SLC16A12: variants seen among roughly 807,000 people sequenced by gnomAD.
SLC16A12 encodes the protein solute carrier family 16 member 12, also known as monocarboxylate transporter 12.
Under a neutral mutation model 42.4 loss-of-function variants are expected in SLC16A12, and 17 were observed. The ratio of observed to expected loss-of-function variants is 0.40; its 90% CI spans 0.27 to 0.60. SLC16A12 has a LOEUF of 0.60. Ranked by LOEUF, SLC16A12 falls within the 20% of genes least tolerant of loss-of-function variation. The pLI is 0.42. For missense variants in SLC16A12, 544 were observed against 623.0 expected, an observed-to-expected ratio of 0.87 and a Z score of 1.35; for synonymous variants, 224 against 229.4, an observed-to-expected ratio of 0.98 and a Z score of 0.21.
intron 5 of SLC16A12, among the ~76,000 whole-genome samples, chr10:89,440,759 T>C (rs970709936): frequency 1.3e-5 from 2 of 152,226 alleles, no homozygotes; most frequent in Non-Finnish European, 2.9e-5. Context: ...CCGTCAATAG[T>C]ATTTTAATGT....
In SLC16A12 at chr10:89,436,868, A is replaced by AAAGAAAG. The variant is rs1841799972; in HGVS notation, c.1029-550_1029-549insCTTTCTT. Among the ~76,000 whole-genome samples the AAAGAAAG allele has an allele frequency of 3.3e-5, 4 of 120,428 alleles. 1 individual carries two copies. In the South Asian group the frequency reaches 1.2e-3, roughly 36 times the overall value. 79.0% of individuals were successfully genotyped at this position (120,428 alleles called of 152,430 possible). ...AAGAAAGAAAAGAAAGAAATAAAGA[A>AAAGAAAG]AAAGAAAGAAAGAAAGAAAGAAAGA... is the stretch of plus-strand genomic sequence containing the variant. On this transcript the variant is annotated intron_variant, in intron 6 of 7. Transcript: ENST00000371790.
At chr10:89,467,706 A>G (rs574860647) in intron 2 of SLC16A12, among the ~76,000 whole-genome samples, 191 of 152,310 alleles carry the variant, frequency 1.3e-3, no homozygotes, top group African/African-American at 4.4e-3. Context: ...AATATAATTG[A>G]GCTGGTATGA....
chr10:89,498,328 T>A (rs983182065), intron 2 of SLC16A12, among the ~76,000 whole-genome samples: 1 of 151,966 alleles, frequency 6.6e-6, no homozygotes, highest in African/African-American at 2.4e-5. Flanking sequence ...AGAGACTGTG[T>A]TGAAAGAGAA....
At chr10:89,507,789 G>A (rs1347245947) in intron 2 of SLC16A12, among the ~76,000 whole-genome samples, 1 of 152,138 alleles carries the variant, frequency 6.6e-6, no homozygotes, top group African/African-American at 2.4e-5. Flanking sequence ...ACTGGCAATT[G>A]GATAAAGAGT....
At chr10:89,550,125 T>G (rs1843761999) in intron 2 of SLC16A12, among the ~76,000 whole-genome samples, 1 of 152,142 alleles carries the variant, frequency 6.6e-6, no homozygotes, top group Admixed American at 6.6e-5. Flanking sequence ...TGATCCATCT[T>G]GCCATCTCCT....
intron 2 of SLC16A12, among the ~76,000 whole-genome samples, chr10:89,508,841 TAAAGAA>T (rs1843114490): frequency 6.6e-6 from 1 of 151,946 alleles, no homozygotes; most frequent in South Asian, 2.1e-4. Flanking sequence ...GCCAGACTAA[TAAAGAA>T]GAAAAGAGAC....
At chr10:89,467,540 A>C (rs1327731396) in intron 2 of SLC16A12, among the ~76,000 whole-genome samples, 1 of 152,238 alleles carries the variant, frequency 6.6e-6, no homozygotes, top group Non-Finnish European at 1.5e-5. Flanking sequence ...ACAATTATAA[A>C]CAGGAAGCTA....
intron 2 of SLC16A12, among the ~76,000 whole-genome samples, chr10:89,544,406 C>T (rs538373606): frequency 2.0e-5 from 3 of 152,236 alleles, no homozygotes; most frequent in Admixed American, 1.3e-4. Context: ...ATGACCTACC[C>T]TTTTTGGATC....
At chr10:89,530,233 A>T (rs1183579986) in intron 2 of SLC16A12, among the ~76,000 whole-genome samples, 1 of 152,070 alleles carries the variant, frequency 6.6e-6, no homozygotes, top group African/African-American at 2.4e-5. Context: ...CATTCTAGAA[A>T]TTTTTACTGT....
chr10:89,539,452 A>G (rs993330250), upstream of SLC16A12, among the ~76,000 whole-genome samples: 14 of 152,126 alleles, frequency 9.2e-5, no homozygotes, highest in Admixed American at 4.6e-4. Context: ...CTAAAATCCT[A>G]TTGCACCATG....
chr10:89,503,097 G>A (rs976399944), intron 2 of SLC16A12, among the ~76,000 whole-genome samples: 1 of 152,174 alleles, frequency 6.6e-6, no homozygotes, highest in Non-Finnish European at 1.5e-5. Flanking sequence ...AGAAACAATA[G>A]GATGAGAGAG....
chr10:89,551,071 C>A (rs1589739931), intron 2 of SLC16A12, among the ~76,000 whole-genome samples: 1 of 152,098 alleles, frequency 6.6e-6, no homozygotes, highest in Non-Finnish European at 1.5e-5. Flanking sequence ...TAGAAAGGTC[C>A]ATTTTGGATG....
At chr10:89,548,684 C>G (rs1843754394) in intron 2 of SLC16A12, among the ~76,000 whole-genome samples, 1 of 152,062 alleles carries the variant, frequency 6.6e-6, no homozygotes, top group Admixed American at 6.6e-5. Context: ...GGTGCAGTGC[C>G]AGCCATCTGT....
chr10:89,458,532 C>T (rs1373134860), intron 3 of SLC16A12, among the ~76,000 whole-genome samples: 1 of 152,174 alleles, frequency 6.6e-6, no homozygotes, highest in Admixed American at 6.5e-5. Context: ...AAGGAAATGA[C>T]TCAAGTGACA....
chr10:89,551,804 T>TGTGGAACTGTAA (rs779053065), intron 2 of SLC16A12, among the ~76,000 whole-genome samples: 32 of 152,260 alleles, frequency 2.1e-4, no homozygotes, highest in Non-Finnish European at 1.6e-4. Context: ...TCCTCAGCCA[T>TGTGGAACTGTAA]GTGGAACTGT....
At chr10:89,540,931 T>C (rs1034986538) in intron 2 of SLC16A12, among the ~76,000 whole-genome samples, 1 of 151,866 alleles carries the variant, frequency 6.6e-6, no homozygotes. Flanking sequence ...TTTTTCCCTT[T>C]TTTTTTTTGA....
chr10:89,516,007 A>G (rs927566689), intron 2 of SLC16A12, among the ~76,000 whole-genome samples: 11 of 152,200 alleles, frequency 7.2e-5, no homozygotes, highest in Admixed American at 5.9e-4. Flanking sequence ...TACGTATATT[A>G]TATAGTAAAT....
At chr10:89,505,502 G>A (rs1358523648) in intron 2 of SLC16A12, among the ~76,000 whole-genome samples, 3 of 152,150 alleles carry the variant, frequency 2.0e-5, no homozygotes, top group South Asian at 2.1e-4. Context: ...AGCTCCCAGC[G>A]AGACTGATGC....
chr10:89,438,630 G>A lies in SLC16A12; in HGVS notation c.1002C>T (p.Ile334=), dbSNP rs1212069237. ...ILGVIDIIGN[I]TFGWLTDRRC... The stretch of plus-strand genomic sequence containing the variant: ...TTCTGTCGGTCAGCCATCCAAATGT[G>A]ATATTGCCAATAATGTCAATCACTC... Residue 334 remains isoleucine (I), a synonymous_variant, in exon 6 of 8, where the codon ATC becomes ATT. Coordinates refer to ENST00000371790, the MANE Select transcript of SLC16A12 (RefSeq NM_213606.4). 6.2e-7 allele frequency: 1 copy of A among 1,613,876 alleles called. No homozygotes were observed. Among genetic ancestry groups the A allele is most frequent in the South Asian group, 1.1e-5 (1 of 91,028 alleles).
Sources: gnomAD v4.1 joint callset for allele counts (sites outside exome capture counted in the v4.1 genomes callset) on GRCh38, gnomAD v4.1.1 for gene constraint, MANE v1.5 for transcripts, NCBI Gene and HGNC (gene_info 2026-07-23, HGNC 2026-07-21) for gene names.